The following FTCDNL1 variants were observed in gnomAD, a reference collection of about 807,000 sequenced individuals.
FTCDNL1 encodes formiminotransferase cyclodeaminase N-terminal like.
A neutral mutation model predicts 5.9 loss-of-function variants in FTCDNL1; 11 were observed. That is an observed-to-expected ratio of 1.87 (90% CI 1.18 to 3.10). The LOEUF is 3.10. Ranked by LOEUF, FTCDNL1 falls within the 30% of genes most tolerant of loss-of-function variation. The pLI is 0.00. For synonymous variants in FTCDNL1, 58 were observed against 24.8 expected, an observed-to-expected ratio of 2.34 and a Z score of -3.99; for missense variants, 115 against 65.5, an observed-to-expected ratio of 1.76 and a Z score of -2.61.
At chr2:199,671,476 G>GA in the FTCDNL1 span, among the ~76,000 whole-genome samples, 54 of 146,834 alleles carry the variant, frequency 3.7e-4, no homozygotes, top group African/African-American at 7.0e-4. Flanking sequence ...AGTTTGAAAG[G>GA]AAAAAAAAAA....
chr2:199,847,008 A>G (rs1280744633), intron 2 of FTCDNL1, among the ~76,000 whole-genome samples: 1 of 152,140 alleles, frequency 6.6e-6, no homozygotes, highest in Non-Finnish European at 1.5e-5. Flanking sequence ...GAAAGGAAAA[A>G]CAAGTTACAC....
At chr2:199,694,823 G>T in the FTCDNL1 span, among the ~76,000 whole-genome samples, 2 of 152,082 alleles carry the variant, frequency 1.3e-5, no homozygotes, top group African/African-American at 4.8e-5. Flanking sequence ...GACAGAGTAA[G>T]ACCCTGTCTC....
chr2:199,849,452 G>C (rs1034765155), intron 1 of FTCDNL1, among the ~76,000 whole-genome samples: 2 of 152,180 alleles, frequency 1.3e-5, no homozygotes, highest in Non-Finnish European at 2.9e-5. Flanking sequence ...AGTGTCTACA[G>C]GCCATGCCAT....
the FTCDNL1 span, among the ~76,000 whole-genome samples, chr2:199,722,617 G>A: frequency 6.6e-6 from 1 of 152,070 alleles, no homozygotes; most frequent in African/African-American, 2.4e-5. Context: ...CTCTTTTTTG[G>A]TTCCACATGA....
In FTCDNL1 at chr2:199,844,920, A is replaced by T. The variant is rs760607414; in HGVS notation, c.211+1155T>A. On this transcript the variant is annotated intron_variant, in intron 3 of 4. Coordinates refer to ENST00000420128, the MANE Select transcript of FTCDNL1 (RefSeq NM_001363886.2). The stretch of plus-strand genomic sequence containing the variant: ...AGATACACAAACATAATTTTTTTTT[A>T]TTTTTTATTTTTTAGAGACTGAGTC... Among the ~76,000 whole-genome samples, 8 of 151,292 alleles carry T rather than the reference A, an allele frequency of 5.3e-5. No homozygotes were observed. In the East Asian group the frequency reaches 1.4e-3, roughly 26 times the overall value.
At chr2:199,699,208 T>C in the FTCDNL1 span, among the ~76,000 whole-genome samples, 5 of 152,098 alleles carry the variant, frequency 3.3e-5, no homozygotes, top group Admixed American at 3.3e-4. Context: ...GGCTCACACC[T>C]ATAATCCCAA....
the FTCDNL1 span, among the ~76,000 whole-genome samples, chr2:199,672,655 T>C: frequency 1.3e-5 from 2 of 152,140 alleles, no homozygotes; most frequent in Non-Finnish European, 2.9e-5. Context: ...CCTGGTGCTC[T>C]GGCTGGAAAG....
the FTCDNL1 span, among the ~76,000 whole-genome samples, chr2:199,675,050 T>C: frequency 1.3e-5 from 2 of 152,342 alleles, no homozygotes; most frequent in Middle Eastern, 3.4e-3. Context: ...CAAAGAGTTT[T>C]ATTCCAGACC....
intron 3 of FTCDNL1, among the ~76,000 whole-genome samples, chr2:199,840,090 G>A (rs1459106895): frequency 6.6e-6 from 1 of 152,132 alleles, no homozygotes; most frequent in Non-Finnish European, 1.5e-5. Flanking sequence ...ACACACTGAG[G>A]GCAGCTAGTC....
the FTCDNL1 span, among the ~76,000 whole-genome samples, chr2:199,663,929 C>G: frequency 6.6e-6 from 1 of 151,786 alleles, no homozygotes; most frequent in Admixed American, 6.6e-5. Context: ...CCAGTCATTA[C>G]TACACGAAAG....
the FTCDNL1 span, among the ~76,000 whole-genome samples, chr2:199,680,639 C>A: frequency 6.6e-6 from 1 of 152,138 alleles, no homozygotes; most frequent in African/African-American, 2.4e-5. Context: ...TGTGATGCAA[C>A]AGGAGGAAAT....
chr2:199,782,670 G>C (rs531841787), intron 3 of FTCDNL1, among the ~76,000 whole-genome samples: 58 of 152,280 alleles, frequency 3.8e-4, no homozygotes, highest in African/African-American at 1.3e-3. Context: ...TTTCTCACCT[G>C]GTCTCCACGT....
At chr2:199,770,903 A>G (rs1698775600) in intron 3 of FTCDNL1, among the ~76,000 whole-genome samples, 1 of 152,204 alleles carries the variant, frequency 6.6e-6, no homozygotes, top group Non-Finnish European at 1.5e-5. Context: ...GCACAGAGAG[A>G]GCTGCACAGA....
At chr2:199,775,771 C>T (rs1449707145) in intron 3 of FTCDNL1, among the ~76,000 whole-genome samples, 3 of 152,128 alleles carry the variant, frequency 2.0e-5, no homozygotes, top group Non-Finnish European at 4.4e-5. Flanking sequence ...CTCTTGAGGA[C>T]CTTATAGGTT....
the FTCDNL1 span, among the ~76,000 whole-genome samples, chr2:199,732,574 G>A: frequency 6.7e-6 from 1 of 150,076 alleles, no homozygotes; most frequent in South Asian, 2.1e-4. Flanking sequence ...ATAAAATGAG[G>A]TAGATCTATG....
chr2:199,756,416 C>T (rs897996206), downstream of FTCDNL1, among the ~76,000 whole-genome samples: 4 of 152,148 alleles, frequency 2.6e-5, no homozygotes, highest in East Asian at 1.9e-4. Flanking sequence ...CACCAGCCAG[C>T]GGGCTGACTG....
At chr2:199,744,860 C>T in the FTCDNL1 span, among the ~76,000 whole-genome samples, 2 of 152,230 alleles carry the variant, frequency 1.3e-5, no homozygotes, top group Non-Finnish European at 2.9e-5. Context: ...AGAGCTAAGC[C>T]TGCTCTCCCA....
the FTCDNL1 span, among the ~76,000 whole-genome samples, chr2:199,740,619 G>A: frequency 6.6e-6 from 1 of 152,182 alleles, no homozygotes; most frequent in Non-Finnish European, 1.5e-5. Flanking sequence ...CAAGGCTGCA[G>A]GGGAGAAAGG....
downstream of FTCDNL1, among the ~76,000 whole-genome samples, chr2:199,808,650 T>C (rs1170703521): frequency 6.6e-6 from 1 of 152,190 alleles, no homozygotes. Context: ...GGCAAATGAA[T>C]CAACCCCTAC....
Sources: gnomAD v4.1 joint callset for allele counts (sites outside exome capture counted in the v4.1 genomes callset) on GRCh38, gnomAD v4.1.1 for gene constraint, MANE v1.5 for transcripts, NCBI Gene and HGNC (gene_info 2026-07-23, HGNC 2026-07-21) for gene names.